Variants in MROH9 observed in about 807,000 individuals in gnomAD.
The protein encoded by MROH9 is maestro heat like repeat family member 9.
A neutral mutation model predicts 98.2 loss-of-function variants in MROH9; 92 were observed. The ratio of observed to expected loss-of-function variants is 0.94; its 90% confidence interval spans 0.79 to 1.11. The LOEUF is 1.11. Ranked by LOEUF, MROH9 falls within the 50% of genes most tolerant of loss-of-function variation. The pLI is 0.00. For missense variants in MROH9, 1,057 were observed against 1,014.8 expected (o/e 1.04, Z -0.57); for synonymous variants, 397 against 368.9 (o/e 1.08, Z -0.87).
chr1:170,994,916 C>A (rs1044304891), intron 12 of MROH9, among the ~76,000 whole-genome samples: 2 of 151,730 alleles, frequency 1.3e-5, no homozygotes, highest in African/African-American at 4.8e-5. Flanking sequence ...AGATTATAGC[C>A]CAGACCCATA....
At chr1:171,036,560 C>G (rs76520782) in intron 20 of MROH9, among the ~76,000 whole-genome samples, 1,819 of 152,024 alleles carry the variant, frequency 0.012, 35 homozygotes, top group African/African-American at 0.041. Flanking sequence ...ACCTTAGACT[C>G]TCTCACACAG....
chr1:171,025,037 C>G (rs746735984), intron 19 of MROH9, among the ~76,000 whole-genome samples: 14 of 152,138 alleles, frequency 9.2e-5, no homozygotes, highest in Non-Finnish European at 1.9e-4. Flanking sequence ...GGAAGAACAT[C>G]CCAGATCACA....
intron 15 of MROH9, among the ~76,000 whole-genome samples, chr1:171,013,902 CACACACACACACAG>C (rs1652242184): frequency 6.6e-6 from 1 of 151,864 alleles, no homozygotes; most frequent in African/African-American, 2.4e-5. Flanking sequence ...CACACACACA[CACACACACACACAG>C]ACAGACAAAA....
In MROH9 at chr1:170,959,443, T is replaced by C. The variant is rs778116684; in HGVS notation, c.153-19T>C. 1 of 1,577,238 alleles carries C rather than the reference T, an allele frequency of 6.3e-7. No homozygotes were observed. The highest frequency in any genetic ancestry group is 8.6e-7 in the Non-Finnish European group (1 of 1,165,442). ...TATTTGTTTTCTCATCATTAATAAT[T>C]GCTCCTTTTTCTTGTCAGCTTTGTG... On this transcript the variant is annotated intron_variant, in intron 4 of 21. Coordinates refer to ENST00000367759, the MANE Select transcript of MROH9 (RefSeq NM_001163629.2).
chr1:170,944,812 C>T (rs932668568), intron 1 of MROH9, among the ~76,000 whole-genome samples: 7 of 151,928 alleles, frequency 4.6e-5, no homozygotes, highest in African/African-American at 7.3e-5. Flanking sequence ...CTAGTATCCA[C>T]GTCTTATATC....
intron 3 of MROH9, among the ~76,000 whole-genome samples, chr1:170,950,350 T>G (rs914022515): frequency 1.3e-4 from 20 of 151,974 alleles, no homozygotes; most frequent in African/African-American, 4.4e-4. Flanking sequence ...GAAATCAGAC[T>G]TAGAATAGTC....
chr1:171,021,386 A>G (rs116494685), intron 17 of MROH9, among the ~76,000 whole-genome samples: 13,725 of 152,240 alleles, frequency 0.09, 729 homozygotes, highest in Middle Eastern at 0.16. Context: ...TATCCAAAAC[A>G]ACATGATACT....
chr1:170,992,033 T>C (rs1213086026), intron 11 of MROH9, 131 bp from the exon 12 acceptor site: 4 of 822,008 alleles, frequency 4.9e-6, no homozygotes, highest in Non-Finnish European at 6.9e-6. Context: ...TCAGTTTGCT[T>C]TGGACATGTC....
At chr1:171,006,840 G>T (rs1444173187) in intron 15 of MROH9, among the ~76,000 whole-genome samples, 1 of 139,570 alleles carries the variant, frequency 7.2e-6, no homozygotes, top group African/African-American at 2.9e-5. Context: ...TTAATTAAGT[G>T]TCTCTTTCTG....
chr1:171,052,998 C>G (rs1451372505), intron 20 of MROH9, among the ~76,000 whole-genome samples: 1 of 152,126 alleles, frequency 6.6e-6, no homozygotes, highest in African/African-American at 2.4e-5. Context: ...CCTGACTGAC[C>G]AAGGGAACAG....
At chr1:171,055,618 T>TA (rs1204544479) in intron 20 of MROH9, among the ~76,000 whole-genome samples, 6,957 of 78,106 alleles carry the variant, frequency 0.089, 294 homozygotes, top group Non-Finnish European at 0.1. Flanking sequence ...TGAGACTTCA[T>TA]AAAAAAAAAA....
chr1:170,960,073 G>C (rs6683055), intron 5 of MROH9, among the ~76,000 whole-genome samples: 12,160 of 152,228 alleles, frequency 0.08, 626 homozygotes, highest in Non-Finnish European at 0.11. Context: ...TGGAGAGAAT[G>C]TACAACACTC....
In MROH9 at chr1:170,947,379, T is replaced by G. The variant is rs1649371392; in HGVS notation, c.26-148T>G. The G allele has an allele frequency of 2.8e-5, 17 of 611,218 alleles. 1 individual carries two copies. The South Asian group carries it at 3.5e-4, about 13-fold the overall frequency. 37.9% of individuals were successfully genotyped at this position (611,218 alleles called of 1,614,324 possible). A position where few individuals can be genotyped will look rare whatever the true frequency, so the allele number is the denominator to read the frequency against. ...TTGTCCAGTAATACTCACAGTAAAT[T>G]TGTCTATAGTTTTAGTGTGTGTGTG... On this transcript the variant is annotated intron_variant, in intron 2 of 21. Coordinates refer to ENST00000367759, the MANE Select transcript of MROH9 (RefSeq NM_001163629.2).
chr1:170,998,033 G>A (rs1651646169), intron 14 of MROH9, 121 bp from the exon 15 acceptor site: 1 of 719,514 alleles, frequency 1.4e-6, no homozygotes, highest in Non-Finnish European at 2.3e-6. Flanking sequence ...TTTATTTAGG[G>A]AATATTAAAG....
At chr1:170,938,678 C>A (rs1300579604) in intron 1 of MROH9, among the ~76,000 whole-genome samples, 1 of 152,218 alleles carries the variant, frequency 6.6e-6, no homozygotes, top group African/African-American at 2.4e-5. Flanking sequence ...TATAAGTCCA[C>A]AAATGGCAGT....
chr1:171,054,947 A>C (rs1653783772), intron 20 of MROH9, among the ~76,000 whole-genome samples: 1 of 152,092 alleles, frequency 6.6e-6, no homozygotes, highest in South Asian at 2.1e-4. Context: ...TGGTGTGGAG[A>C]GTCCTTAAAC....
At chr1:170,996,356 T>C (rs745659560) in intron 13 of MROH9, 151 bp from the exon 14 acceptor site, 185 of 787,754 alleles carry the variant, frequency 2.3e-4, no homozygotes, top group Non-Finnish European at 2.8e-4. Context: ...TCAGGGAAGA[T>C]GAAGGACATT....
chr1:171,062,396 C>T (rs530572187), intron 21 of MROH9, among the ~76,000 whole-genome samples: 13 of 152,208 alleles, frequency 8.5e-5, no homozygotes, highest in Admixed American at 6.5e-4. Context: ...TTCTATTTCC[C>T]CTTACTCTCT....
chr1:171,031,432 TC>T (rs1290478873), intron 20 of MROH9, among the ~76,000 whole-genome samples: 1 of 152,160 alleles, frequency 6.6e-6, no homozygotes, highest in Non-Finnish European at 1.5e-5. Context: ...GTGCTTTTTT[TC>T]CATGTTTAGC....
Sources: allele counts gnomAD v4.1 joint callset (sites outside exome capture counted in the v4.1 genomes callset), GRCh38; gene constraint gnomAD v4.1.1; transcripts MANE v1.5; gene names NCBI Gene and HGNC (gene_info 2026-07-23, HGNC 2026-07-21).